C3orf52: variants seen among roughly 807,000 people sequenced by gnomAD.
C3orf52 encodes the protein TPA-induced transmembrane protein.
C3orf52 carries 22 observed loss-of-function variants against 24.8 expected under a neutral mutation model. The ratio of observed to expected loss-of-function variants is 0.89; its 90% CI spans 0.63 to 1.27. The LOEUF (loss-of-function observed/expected upper bound fraction) is 1.27, where lower values mean the gene tolerates loss of function less well. C3orf52 is among the 50% of genes most tolerant of loss of function. The probability of loss-of-function intolerance (pLI) is 0.00; values close to 1 mark genes in which losing one functional copy is unlikely to be tolerated. For synonymous variants in C3orf52, 93 were observed against 100.2 expected, an observed-to-expected ratio of 0.93 and a Z score of 0.43; for missense variants, 265 against 260.7, an observed-to-expected ratio of 1.02 and a Z score of -0.11.
At chr3:112,102,318 C>T (rs2073980249) in intron 2 of C3orf52, among the ~76,000 whole-genome samples, 1 of 152,158 alleles carries the variant, frequency 6.6e-6, no homozygotes, top group Non-Finnish European at 1.5e-5. Flanking sequence ...TTGTTTTAGG[C>T]AAACTCGTCA....
chr3:112,130,917 A>G (rs982683232), downstream of C3orf52: 3 of 181,012 alleles, frequency 1.7e-5, no homozygotes, highest in Admixed American at 1.1e-4. Flanking sequence ...TGTCTTGTGT[A>G]AATCACACCA....
chr3:112,120,195 A>G (rs1188735432), downstream of C3orf52, among the ~76,000 whole-genome samples: 2 of 152,212 alleles, frequency 1.3e-5, no homozygotes, highest in South Asian at 2.1e-4. Flanking sequence ...GCCAAGGTAC[A>G]CTCAGATCAA....
downstream of C3orf52, among the ~76,000 whole-genome samples, chr3:112,135,902 CT>C (rs1252529363): frequency 6.6e-6 from 1 of 152,130 alleles, no homozygotes; most frequent in Non-Finnish European, 1.5e-5. Flanking sequence ...TCAAATACTA[CT>C]CCCACCTAAC....
At position 112,102,961 on chromosome 3, in the gene C3orf52, A is replaced by T. The variant is rs201080279; in HGVS notation, c.392A>T (p.Glu131Val). The T allele has an allele frequency of 2.2e-4, 357 of 1,612,222 alleles. No individual in the cohort carries two copies. Among genetic ancestry groups the T allele is most frequent in the Non-Finnish European group, 2.8e-4 (332 of 1,179,280 alleles). Reference protein sequence around the residue: ...AEEELPHLLTERLTDVYSTSP... With the variant: ...AEEELPHLLTVRLTDVYSTSP... ...GAGGAATTGCCTCACCTGCTCACCG[A>T]AAGGGTAATTCCATCTTATATATTG... The change falls in exon 3 of 6, where the codon GAA (glutamate) becomes GTA (valine). Residue 131 changes from glutamate (E) to valine (V), a missense_variant. Coordinates refer to ENST00000264848, the MANE Select transcript of C3orf52 (RefSeq NM_024616.3).
At chr3:112,134,941 CAT>C (rs2074535413), downstream of C3orf52, 1 of 154,992 alleles carries the variant, frequency 6.5e-6, no homozygotes, top group Non-Finnish European at 1.5e-5. Flanking sequence ...GAACAGAAAA[CAT>C]ATTAGTGTTG....
At chr3:112,109,425 G>A (rs1009779126) in intron 3 of C3orf52, 118 bp from the exon 4 acceptor site, 9 of 524,168 alleles carry the variant, frequency 1.7e-5, no homozygotes, top group South Asian at 7.3e-5. Flanking sequence ...TCCAGATAAC[G>A]TTGATTCCAG....
chr3:112,113,217 T>TG (rs1220712144), intron 5 of C3orf52, 72 bp downstream of exon 5: 15 of 1,216,752 alleles, frequency 1.2e-5, no homozygotes, highest in Non-Finnish European at 1.7e-5. Context: ...CAAATTGGCT[T>TG]GGTTCGATTT....
At chr3:112,113,433 C>T (rs1434983411) in intron 5 of C3orf52, among the ~76,000 whole-genome samples, 2 of 152,160 alleles carry the variant, frequency 1.3e-5, no homozygotes, top group African/African-American at 4.8e-5. Flanking sequence ...TTTCCTCATG[C>T]AGTTCACCCA....
chr3:112,116,509 G>T (rs2074134412), intron 5 of C3orf52, 133 bp from the exon 6 acceptor site: 3 of 747,346 alleles, frequency 4.0e-6, no homozygotes, highest in East Asian at 5.4e-5. Flanking sequence ...AATTTCCTCT[G>T]TTAGGAATGT....
At chr3:112,089,846 C>T (rs2073861836) in intron 1 of C3orf52, among the ~76,000 whole-genome samples, 2 of 152,136 alleles carry the variant, frequency 1.3e-5, no homozygotes, top group African/African-American at 4.8e-5. Context: ...ATGTAAATAT[C>T]CGGGGAATGT....
rs1414944266 is a variant in C3orf52, at chr3:112,117,852, G to A, written c.*1206G>A. ...AAGAGTTTTGTGCTGTATTGTGAGA[G>A]ATCTCGCCTCTCAGTTAAATGAGCC... is the stretch of plus-strand genomic sequence containing the variant. On this transcript the variant is annotated 3_prime_UTR_variant, in exon 6 of 6. Coordinates refer to ENST00000264848, the MANE Select transcript of C3orf52 (RefSeq NM_024616.3). 1.3e-5 allele frequency: 2 copies of A among 151,674 alleles called. No homozygotes were observed. The highest frequency in any genetic ancestry group is 4.9e-5 in the African/African-American group (2 of 41,212). The allele number at this position is 151,674 out of a possible 1,614,324, so 9.4% of individuals were successfully genotyped here.
intron 3 of C3orf52, among the ~76,000 whole-genome samples, chr3:112,108,545 A>G (rs2074049038): frequency 6.6e-6 from 1 of 152,224 alleles, no homozygotes; most frequent in African/African-American, 2.4e-5. Flanking sequence ...GCTTCAGCAT[A>G]AGTTGTGATG....
At chr3:112,133,466 G>A (rs61645341), downstream of C3orf52, 7,752 of 229,546 alleles carry the variant, frequency 0.034, 165 homozygotes, top group South Asian at 0.058. Flanking sequence ...AGATATTTAC[G>A]TTTATAAATC....
chr3:112,096,987 C>G (rs1224201387), intron 2 of C3orf52, among the ~76,000 whole-genome samples: 1 of 152,096 alleles, frequency 6.6e-6, no homozygotes, highest in Non-Finnish European at 1.5e-5. Flanking sequence ...GACTCACAAT[C>G]GACATGGAAA....
At chr3:112,125,259 A>G (rs370580380) in intron 4 of C3orf52, 2 of 1,568,194 alleles carry the variant, frequency 1.3e-6, no homozygotes, top group African/African-American at 1.4e-5. Flanking sequence ...TTTCATCTGG[A>G]GAAAGAAAAT....
At chr3:112,131,878 C>A (rs2074461740), downstream of C3orf52, among the ~76,000 whole-genome samples, 1 of 152,022 alleles carries the variant, frequency 6.6e-6, no homozygotes, top group Non-Finnish European at 1.5e-5. Context: ...AAATAAAAAA[C>A]CATAAGAAGT....
At chr3:112,102,010 T>C (rs1469459169) in intron 2 of C3orf52, among the ~76,000 whole-genome samples, 2 of 152,200 alleles carry the variant, frequency 1.3e-5, no homozygotes, top group African/African-American at 4.8e-5. Flanking sequence ...ACATAACTAA[T>C]TGTCCCAGGA....
chr3:112,086,673 G>A (rs1576130425), intron 1 of C3orf52, 128 bp downstream of exon 1: 2 of 1,178,396 alleles, frequency 1.7e-6, no homozygotes, highest in Non-Finnish European at 2.4e-6. Flanking sequence ...AGGGTGGGGC[G>A]CGCTCGAGTG....
In C3orf52 at chr3:112,117,927, G is replaced by GTGTC. The variant is rs1319855504; in HGVS notation, c.*1284_*1287dup. ...CAGCTGTGTGCGGGCACGAGCCAGA[G>GTGTC]TGTCTGCCTCAGACTAGATTTGACT... On this transcript the variant is annotated 3_prime_UTR_variant, in exon 6 of 6. Transcript: ENST00000264848. The GTGTC allele has an allele frequency of 6.6e-6, 1 of 152,262 alleles. No homozygotes were observed. The highest frequency in any genetic ancestry group is 1.5e-5 in the Non-Finnish European group (1 of 68,058). 9.4% of individuals were successfully genotyped at this position (152,262 alleles called of 1,614,324 possible).
Sources: allele counts gnomAD v4.1 joint callset (sites outside exome capture counted in the v4.1 genomes callset), GRCh38; gene constraint gnomAD v4.1.1; transcripts MANE v1.5; gene names NCBI Gene and HGNC (gene_info 2026-07-23, HGNC 2026-07-21).